The following MADD variants were observed in gnomAD, a reference collection of about 807,000 sequenced individuals.
The protein encoded by MADD is MAP kinase activating death domain.
A neutral mutation model predicts 176.7 loss-of-function variants in MADD; 109 were observed. The observed-to-expected ratio is 0.62, with a 90% CI of 0.53 to 0.72. MADD has a LOEUF of 0.72. Among genes scored for constraint, MADD ranks in the 30% least tolerant of loss-of-function variants. The pLI, the probability that MADD is intolerant of heterozygous loss-of-function variation, is 0.00. For missense variants in MADD, 1,914 were observed against 2,045.5 expected, an observed-to-expected ratio of 0.94 and a Z score of 1.24; for synonymous variants, 771 against 771.3, an observed-to-expected ratio of 1.00 and a Z score of 0.01.
At chr11:47,303,224 C>A (rs1397872997) in intron 22 of MADD, among the ~76,000 whole-genome samples, 3 of 147,506 alleles carry the variant, frequency 2.0e-5, no homozygotes, top group African/African-American at 2.5e-5. Flanking sequence ...TGTGACTTAA[C>A]ACTTTTCTCT....
intron 31 of MADD, 95 bp from the exon 36 acceptor site, chr11:47,328,563 G>A: frequency 1.3e-6 from 2 of 1,577,378 alleles, no homozygotes; most frequent in Non-Finnish European, 1.7e-6. Flanking sequence ...GAGGGGAAGG[G>A]GACCCTGACG....
intron 27 of MADD, among the ~76,000 whole-genome samples, chr11:47,321,382 T>C (rs1201716503): frequency 6.6e-6 from 1 of 152,218 alleles, no homozygotes; most frequent in Non-Finnish European, 1.5e-5. Context: ...TCTTATACAG[T>C]AGCTTAAACC....
chr11:47,276,613 A>G, intron 4 of MADD, 119 bp from the exon 5 acceptor site: 1 of 1,249,372 alleles, frequency 8.0e-7, no homozygotes. Flanking sequence ...GCAGTGGGAG[A>G]GACAAAGCTG....
At chr11:47,284,739 G>T (rs975165165) in intron 12 of MADD, among the ~76,000 whole-genome samples, 174 bp downstream of exon 12, 2 of 152,118 alleles carry the variant, frequency 1.3e-5, no homozygotes, top group Admixed American at 1.3e-4. Context: ...CCCAAAAGGA[G>T]GTCATCAGGC....
rs201842231 is a variant in MADD at position 47,323,836 on chromosome 11, G to A, written c.4362+1G>A. ...GCTCAACAAGTTCTATACTAAAAAG[G>A]TACGCAGGATCTGTGTTTGGGTTGG... On this transcript the variant is annotated splice_donor_variant, in intron 28 of 32. Coordinates refer to ENST00000402192, the Ensembl canonical transcript of MADD. LOFTEE classifies it high-confidence loss of function. 6.2e-7 allele frequency: 1 copy of A among 1,613,878 alleles called. No homozygotes were observed. The highest frequency in any genetic ancestry group is 8.5e-7 in the Non-Finnish European group (1 of 1,179,794).
intron 1 of MADD, chr11:47,270,719 A>G (rs915042340): frequency 6.6e-6 from 1 of 152,110 alleles, no homozygotes; most frequent in African/African-American, 2.4e-5. Flanking sequence ...AGAGAACACC[A>G]TTTCATCTTT....
chr11:47,298,271 G>T (rs2074751728), intron 22 of MADD, among the ~76,000 whole-genome samples: 1 of 152,204 alleles, frequency 6.6e-6, no homozygotes. Context: ...TCGCTTAGAA[G>T]AAAATCCTCC....
intron 18 of MADD, 37 bp from the exon 20 acceptor site, chr11:47,290,573 C>T (rs2064305210): frequency 6.3e-7 from 1 of 1,589,040 alleles, no homozygotes; most frequent in African/African-American, 1.3e-5. Context: ...GATTCCTACT[C>T]ACTACTTCTC....
Position 47,308,589 on chromosome 11 carries a change from A to G in MADD, c.3643-2A>G. The G allele has an allele frequency of 6.2e-7, 1 of 1,612,924 alleles. No homozygotes were observed. Among genetic ancestry groups the G allele is most frequent in the Admixed American group, 1.7e-5 (1 of 59,956 alleles). On this transcript the variant is annotated splice_acceptor_variant, in intron 22 of 32. Transcript: ENST00000402192. LOFTEE classifies it high-confidence loss of function. ...CACTGACCTATCACCTCTTCTCTCTAGGGTAAAGCCCACAGCTTGAAGCCA... is the reference window on the plus strand; with the variant it reads ...CACTGACCTATCACCTCTTCTCTCTGGGGTAAAGCCCACAGCTTGAAGCCA...
Position 47,328,138 on chromosome 11 carries a change from C to T in MADD, c.4613-520C>T. 3.0e-6 allele frequency: 3 copies of T among 1,013,786 alleles called. No individual in the cohort carries two copies. In the South Asian group the frequency reaches 1.2e-4, roughly 41 times the overall value. The allele number at this position is 1,013,786 out of a possible 1,614,324, so 62.8% of individuals were successfully genotyped here. A position where few individuals can be genotyped will look rare whatever the true frequency, so the allele number is the denominator to read the frequency against. ...CATCCTGTGGGTTTATATCATGTTA[C>T]CTCTTCATCCAGCCTCAAGACCCTC... On this transcript the variant is annotated intron_variant, in intron 31 of 32. Coordinates refer to ENST00000402192, the Ensembl canonical transcript of MADD.
intron 15 of MADD, 41 bp from the exon 17 acceptor site, chr11:47,289,350 T>A (rs1185765224): frequency 6.6e-7 from 1 of 1,510,344 alleles, no homozygotes. Flanking sequence ...GCTCCTGTAC[T>A]ACAATAGTGA....
exon 28 of MADD, chr11:47,323,701 A>C (rs745800375): frequency 1.2e-6 from 2 of 1,613,974 alleles, no homozygotes. Flanking sequence ...GTTGCGTAGT[A>C]ACATCGGAAC....
At chr11:47,278,434 C>A (rs1232854392) in intron 6 of MADD, among the ~76,000 whole-genome samples, 156 bp downstream of exon 6, 5 of 152,162 alleles carry the variant, frequency 3.3e-5, no homozygotes, top group Non-Finnish European at 5.9e-5. Flanking sequence ...TTTAAATGCT[C>A]CTTTTACCTT....
At chr11:47,327,840 G>T in intron 31 of MADD, 1 of 985,426 alleles carries the variant, frequency 1.0e-6, no homozygotes, top group Non-Finnish European at 1.2e-6. Context: ...TCTGCTCCCA[G>T]TCTCAAGGGG....
At position 47,285,640 on chromosome 11, in the gene MADD, A is replaced by G. The variant is rs1220209569; in HGVS notation, c.2551+50A>G. 5 of 1,609,384 alleles carry G rather than the reference A, an allele frequency of 3.1e-6. No homozygotes were observed. In the South Asian group the frequency reaches 3.3e-5, roughly 11 times the overall value. ...CACTCCTGTGTTCCATTTTCTCTACAGCAGAGCCTGACTATGGCAAATGTT... is the reference window on the plus strand; with the variant it reads ...CACTCCTGTGTTCCATTTTCTCTACGGCAGAGCCTGACTATGGCAAATGTT... On this transcript the variant is annotated intron_variant, in intron 14 of 32. Coordinates refer to ENST00000402192, the Ensembl canonical transcript of MADD.
chr11:47,289,471 C>G (rs776049158), exon 16 of MADD: 2 of 1,614,134 alleles, frequency 1.2e-6, no homozygotes, highest in Non-Finnish European at 1.7e-6. Context: ...TCCATCACCC[C>G]AGGGTCGATC....
chr11:47,294,731 G>A (rs939658344), intron 20 of MADD, among the ~76,000 whole-genome samples: 6 of 148,758 alleles, frequency 4.0e-5, no homozygotes, highest in African/African-American at 9.9e-5. Context: ...CTAATGATAA[G>A]GGAATTATTA....
exon 33 of MADD, chr11:47,329,272 C>T (rs552512204): frequency 1.1e-4 from 83 of 762,990 alleles, no homozygotes; most frequent in Non-Finnish European, 1.7e-4. Flanking sequence ...TGCAAGCCCC[C>T]TGCTGTGGCT....
At chr11:47,319,175 A>T (rs1434077055) in intron 27 of MADD, among the ~76,000 whole-genome samples, 1 of 144,648 alleles carries the variant, frequency 6.9e-6, no homozygotes. Context: ...TCTGTCACCC[A>T]GGCTGGAGTG....
Sources: allele counts gnomAD v4.1 joint callset (sites outside exome capture counted in the v4.1 genomes callset), GRCh38; gene constraint gnomAD v4.1.1; transcripts MANE v1.5; gene names NCBI Gene and HGNC (gene_info 2026-07-23, HGNC 2026-07-21).